Variants in AKAP13 observed in about 807,000 individuals in gnomAD.
AKAP13 encodes A-kinase anchoring protein 13.
In AKAP13, 80 loss-of-function variants were observed where a neutral mutation model predicts 264.5. The observed-to-expected ratio is 0.30, with a 90% CI of 0.25 to 0.36. AKAP13 has a LOEUF of 0.36. Ranked by LOEUF, AKAP13 falls within the 10% of genes least tolerant of loss-of-function variation. The probability of loss-of-function intolerance (pLI) is 1.00; values close to 1 mark genes in which losing one functional copy is unlikely to be tolerated. For synonymous variants in AKAP13, 1,380 were observed against 1,250.2 expected (o/e 1.10, Z -2.19); for missense variants, 3,712 against 3,435.2 (o/e 1.08, Z -2.01).
intron 25 of AKAP13, among the ~76,000 whole-genome samples, chr15:85,722,599 T>C (rs1236334257): frequency 6.6e-6 from 1 of 152,246 alleles, no homozygotes; most frequent in East Asian, 1.9e-4. Flanking sequence ...TATTCTGTTA[T>C]CACTAGGCTG....
chr15:85,424,171 G>C (rs921942205), intron 1 of AKAP13, among the ~76,000 whole-genome samples: 3 of 152,194 alleles, frequency 2.0e-5, no homozygotes, highest in Non-Finnish European at 2.9e-5. Flanking sequence ...CTTGTCCTTT[G>C]AGGTTTTGAA....
intron 23 of AKAP13, among the ~76,000 whole-genome samples, chr15:85,720,597 A>C (rs1393245016): frequency 1.3e-5 from 2 of 152,234 alleles, no homozygotes; most frequent in East Asian, 3.9e-4. Flanking sequence ...TAACATGTAC[A>C]TCTGACTAGG....
At chr15:85,699,075 G>C (rs2085748134) in intron 17 of AKAP13, among the ~76,000 whole-genome samples, 1 of 151,918 alleles carries the variant, frequency 6.6e-6, no homozygotes, top group Non-Finnish European at 1.5e-5. Flanking sequence ...ACATTTTGAT[G>C]AGTTGGAAAG....
At chr15:85,659,458 C>G (rs906269885) in intron 12 of AKAP13, among the ~76,000 whole-genome samples, 6 of 152,038 alleles carry the variant, frequency 3.9e-5, no homozygotes, top group African/African-American at 1.4e-4. Context: ...TCTTTAATTC[C>G]AGATTTTAGG....
At chr15:85,532,200 A>G (rs930627935) in intron 3 of AKAP13, among the ~76,000 whole-genome samples, 2 of 152,246 alleles carry the variant, frequency 1.3e-5, no homozygotes, top group Non-Finnish European at 2.9e-5. Context: ...CACAGCAGTG[A>G]GAGATTTCTC....
chr15:85,429,598 A>G (rs138017975), intron 1 of AKAP13, among the ~76,000 whole-genome samples: 2 of 152,304 alleles, frequency 1.3e-5, no homozygotes, highest in African/African-American at 2.4e-5. Flanking sequence ...GGTGAGTATG[A>G]TAAGTGCCAC....
chr15:85,558,971 C>T (rs2078251060), intron 5 of AKAP13, among the ~76,000 whole-genome samples: 2 of 151,986 alleles, frequency 1.3e-5, no homozygotes, highest in Non-Finnish European at 1.5e-5. Context: ...TTGCCGTCCC[C>T]TCCCCCTCAT....
chr15:85,620,350 G>A (rs1357359370), intron 8 of AKAP13, among the ~76,000 whole-genome samples: 2 of 152,172 alleles, frequency 1.3e-5, no homozygotes. Flanking sequence ...GGAAGCAATA[G>A]GTGCTTGGTA....
At chr15:85,707,318 T>C (rs775418249) in intron 17 of AKAP13, among the ~76,000 whole-genome samples, 50 of 152,188 alleles carry the variant, frequency 3.3e-4, no homozygotes, top group Non-Finnish European at 2.5e-4. Context: ...AGTAAAGGAA[T>C]TGAGATAAAA....
intron 2 of AKAP13, among the ~76,000 whole-genome samples, chr15:85,520,498 C>CAAAAAAAAAAA (rs71468111): frequency 1.4e-5 from 1 of 71,300 alleles, no homozygotes; most frequent in East Asian, 3.2e-4. Context: ...AACTCCGTCT[C>CAAAAAAAAAAA]AAAAAAAAAA....
chr15:85,719,668 G>T (rs1339279796), intron 23 of AKAP13, among the ~76,000 whole-genome samples: 1 of 152,182 alleles, frequency 6.6e-6, no homozygotes, highest in Non-Finnish European at 1.5e-5. Context: ...AGGCACAGTG[G>T]CTCATGCCTG....
In AKAP13 at chr15:85,477,737, T is replaced by G. The variant is rs376028381; in HGVS notation, c.-11-7973T>G. ...CCATTTAGCTGCAACACATTTATTT[T>G]TCCCTTGTATAATGGCTGAGATTTC... On this transcript the variant is annotated intron_variant, in intron 1 of 36. Coordinates refer to ENST00000394518, the MANE Select transcript of AKAP13 (RefSeq NM_007200.5). 1.5e-3 allele frequency among the ~76,000 whole-genome samples: 235 copies of G among 152,248 alleles called. 2 individuals carry two copies. In the South Asian group the frequency reaches 0.018, roughly 12 times the overall value.
rs548006739 is a variant in AKAP13, at chr15:85,691,934, C to T, written c.5290-1343C>T. The T allele has an allele frequency of 2.4e-3, 1,129 of 463,214 alleles. 22 individuals are homozygous for T. The highest frequency in any genetic ancestry group is 0.016 in the South Asian group (1,065 of 64,856). The allele number at this position is 463,214 out of a possible 1,614,324, so 28.7% of individuals were successfully genotyped here. ...ACTGCCTGCTTTTCCTGCCTTCCTGCACCCCTAGGTACTCAGGGTAGAGGA... is the reference window on the plus strand; with the variant it reads ...ACTGCCTGCTTTTCCTGCCTTCCTGTACCCCTAGGTACTCAGGGTAGAGGA... On this transcript the variant is annotated intron_variant, in intron 16 of 36. Transcript: ENST00000394518.
At chr15:85,673,814 T>C (rs926807581) in intron 14 of AKAP13, among the ~76,000 whole-genome samples, 2 of 151,170 alleles carry the variant, frequency 1.3e-5, no homozygotes, top group Non-Finnish European at 1.5e-5. Context: ...ACCTCCCGAG[T>C]AGCTGGGACT....
intron 8 of AKAP13, among the ~76,000 whole-genome samples, chr15:85,631,078 A>C (rs1179840781): frequency 6.6e-6 from 1 of 152,240 alleles, no homozygotes; most frequent in East Asian, 1.9e-4. Flanking sequence ...TCCATACAGT[A>C]GAATATTATT....
chr15:85,711,135 C>A (rs1307958172), intron 19 of AKAP13, among the ~76,000 whole-genome samples: 1 of 152,176 alleles, frequency 6.6e-6, no homozygotes, highest in Non-Finnish European at 1.5e-5. Context: ...CCTGCCTCAG[C>A]CTCCCCAATA....
chr15:85,543,224 A>G (rs945418235), intron 4 of AKAP13, among the ~76,000 whole-genome samples: 2 of 152,160 alleles, frequency 1.3e-5, no homozygotes, highest in Non-Finnish European at 2.9e-5. Context: ...ATTTGCCCTT[A>G]TTGTGTAGGA....
intron 8 of AKAP13, chr15:85,621,571 A>G (rs890710532): frequency 3.3e-5 from 5 of 152,166 alleles, no homozygotes; most frequent in Admixed American, 2.6e-4. Context: ...GAAATATTGA[A>G]CATTTAAAAT....
At chr15:85,556,859 C>T (rs936849153) in intron 5 of AKAP13, among the ~76,000 whole-genome samples, 1 of 152,154 alleles carries the variant, frequency 6.6e-6, no homozygotes, top group African/African-American at 2.4e-5. Flanking sequence ...CATTTCCAGT[C>T]GAAGACATTT....
Sources: allele counts gnomAD v4.1 joint callset (sites outside exome capture counted in the v4.1 genomes callset), GRCh38; gene constraint gnomAD v4.1.1; transcripts MANE v1.5; gene names NCBI Gene and HGNC (gene_info 2026-07-23, HGNC 2026-07-21).